CCNY: variants seen among roughly 807,000 people sequenced by gnomAD.
CCNY encodes the protein cyclin-Y.
A neutral mutation model predicts 42.8 loss-of-function variants in CCNY; 19 were observed. The observed-to-expected ratio is 0.44, with a 90% CI of 0.31 to 0.65. The LOEUF (loss-of-function observed/expected upper bound fraction) is 0.65. Among genes scored for constraint, CCNY ranks in the 30% least tolerant of loss-of-function variants. The pLI is 0.07. For synonymous variants in CCNY, 165 were observed against 162.7 expected, an observed-to-expected ratio of 1.01 and a Z score of -0.11; for missense variants, 370 against 437.3, an observed-to-expected ratio of 0.85 and a Z score of 1.37.
chr10:35,382,257 C>T (rs180828044), intron 1 of CCNY, among the ~76,000 whole-genome samples: 1 of 152,224 alleles, frequency 6.6e-6, no homozygotes, highest in Non-Finnish European at 1.5e-5. Flanking sequence ...ATTGCTGGCA[C>T]TTGGTACAGC....
intron 3 of CCNY, among the ~76,000 whole-genome samples, chr10:35,297,205 A>T (rs1835481164): frequency 6.6e-6 from 1 of 152,194 alleles, no homozygotes. Flanking sequence ...GGTTCAACAC[A>T]CGGAAATCAA....
At chr10:35,507,179 A>G (rs887959232) in intron 3 of CCNY, among the ~76,000 whole-genome samples, 1 of 152,216 alleles carries the variant, frequency 6.6e-6, no homozygotes, top group Non-Finnish European at 1.5e-5. Context: ...TTGAAGCAGG[A>G]ACTTTGTCAG....
At chr10:35,547,076 G>A (rs1024484574) in intron 7 of CCNY, among the ~76,000 whole-genome samples, 3 of 152,116 alleles carry the variant, frequency 2.0e-5, no homozygotes, top group Non-Finnish European at 4.4e-5. Context: ...TTGTCTCTTT[G>A]TTGGAGAGTA....
At chr10:35,445,581 A>G (rs1252176065) in intron 1 of CCNY, among the ~76,000 whole-genome samples, 1 of 152,092 alleles carries the variant, frequency 6.6e-6, no homozygotes, top group East Asian at 1.9e-4. Context: ...TAATTGAGGG[A>G]GGGAGACAGA....
At chr10:35,499,351 A>C (rs1009428021) in intron 2 of CCNY, among the ~76,000 whole-genome samples, 17 of 152,104 alleles carry the variant, frequency 1.1e-4, no homozygotes, top group African/African-American at 4.1e-4. Context: ...CAATCATCAG[A>C]TCTCATGAGA....
chr10:35,558,329 A>T (rs1589208912), intron 8 of CCNY, among the ~76,000 whole-genome samples: 1 of 152,228 alleles, frequency 6.6e-6, no homozygotes, highest in East Asian at 1.9e-4. Flanking sequence ...GCACACACAG[A>T]TTTGTTCTCC....
At chr10:35,528,325 C>T (rs545822821) in intron 5 of CCNY, among the ~76,000 whole-genome samples, 32 of 152,326 alleles carry the variant, frequency 2.1e-4, no homozygotes, top group Admixed American at 1.4e-3. Context: ...ACCTTTCTTT[C>T]GCTTGGGTTG....
intron 1 of CCNY, among the ~76,000 whole-genome samples, chr10:35,393,102 A>T (rs1456250509): frequency 2.0e-5 from 3 of 151,908 alleles, no homozygotes; most frequent in Non-Finnish European, 4.4e-5. Flanking sequence ...GTGTTTTCTG[A>T]GTTGAGCTCC....
At chr10:35,466,023 G>T (rs1197912686) in intron 1 of CCNY, among the ~76,000 whole-genome samples, 1 of 150,988 alleles carries the variant, frequency 6.6e-6, no homozygotes, top group African/African-American at 2.4e-5. Flanking sequence ...GCGAGGACTG[G>T]ATCTGAAATA....
At chr10:35,451,920 C>T (rs1838927540) in intron 1 of CCNY, among the ~76,000 whole-genome samples, 1 of 152,218 alleles carries the variant, frequency 6.6e-6, no homozygotes, top group Non-Finnish European at 1.5e-5. Context: ...TTGGGCCTGG[C>T]AGTGTCCTCT....
In CCNY at chr10:35,459,618, A is replaced by G. The variant is rs750627836; in HGVS notation, c.155-23786A>G. ...GTGGGACCCTGTCTTATAGGGGTAT[A>G]AACAAAGGAAGTAATGTGGTAGGGG... is the stretch of plus-strand genomic sequence containing the variant. On this transcript the variant is annotated intron_variant, in intron 1 of 9. Coordinates refer to ENST00000374704, the MANE Select transcript of CCNY (RefSeq NM_145012.6). Among the ~76,000 whole-genome samples the G allele has an allele frequency of 4.0e-4, 61 of 152,122 alleles. 1 individual carries two copies. The highest frequency in any genetic ancestry group is 7.9e-4 in the Non-Finnish European group (54 of 68,030).
At chr10:35,266,690 G>C (rs1208725275) in intron 3 of CCNY, among the ~76,000 whole-genome samples, 1 of 152,050 alleles carries the variant, frequency 6.6e-6, no homozygotes, top group East Asian at 1.9e-4. Flanking sequence ...CATCAGGAAG[G>C]GTGTCATTAA....
At chr10:35,307,248 C>T (rs1395395886) in intron 3 of CCNY, among the ~76,000 whole-genome samples, 1 of 152,200 alleles carries the variant, frequency 6.6e-6, no homozygotes, top group African/African-American at 2.4e-5. Flanking sequence ...GAAATGTCAG[C>T]TGTAATAATA....
At chr10:35,491,707 G>C (rs924394358) in intron 2 of CCNY, among the ~76,000 whole-genome samples, 4 of 152,000 alleles carry the variant, frequency 2.6e-5, no homozygotes, top group South Asian at 2.1e-4. Flanking sequence ...TCTGCCTCCC[G>C]GGTTCACACC....
chr10:35,343,698 T>C (rs760438694), intron 1 of CCNY, among the ~76,000 whole-genome samples: 3 of 152,228 alleles, frequency 2.0e-5, no homozygotes, highest in Non-Finnish European at 4.4e-5. Context: ...CCTGATGGTC[T>C]TGCTTTTACA....
At chr10:35,526,848 C>T (rs1840663224) in intron 5 of CCNY, among the ~76,000 whole-genome samples, 1 of 152,206 alleles carries the variant, frequency 6.6e-6, no homozygotes, top group African/African-American at 2.4e-5. Flanking sequence ...TAGCCACTCT[C>T]ATGGTAATCA....
At chr10:35,327,437 T>C (rs545403556) in intron 3 of CCNY, among the ~76,000 whole-genome samples, 2 of 152,344 alleles carry the variant, frequency 1.3e-5, no homozygotes, top group South Asian at 4.1e-4. Context: ...CTATTATAAA[T>C]TAAATGGCAA....
chr10:35,467,769 T>A (rs540854100), intron 1 of CCNY, among the ~76,000 whole-genome samples: 1 of 152,362 alleles, frequency 6.6e-6, no homozygotes, highest in South Asian at 2.1e-4. Context: ...TACAGATTGC[T>A]GTAAGTTTTT....
intron 8 of CCNY, among the ~76,000 whole-genome samples, chr10:35,565,393 C>G (rs1362400909): frequency 6.6e-6 from 1 of 152,196 alleles, no homozygotes; most frequent in Middle Eastern, 3.2e-3. Flanking sequence ...AGCCCCCTGT[C>G]TGTTCTAACA....
Sources: allele counts gnomAD v4.1 joint callset (sites outside exome capture counted in the v4.1 genomes callset), GRCh38; gene constraint gnomAD v4.1.1; transcripts MANE v1.5; gene names NCBI Gene and HGNC (gene_info 2026-07-23, HGNC 2026-07-21).